The following MTFR1 variants were observed in gnomAD, a reference collection of about 807,000 sequenced individuals.
MTFR1 encodes the protein mitochondrial fission regulator 1.
In MTFR1, 28 loss-of-function variants were observed where a neutral mutation model predicts 38.8. The observed-to-expected ratio is 0.72, with a 90% CI of 0.53 to 0.99. The LOEUF is 0.99. Among genes scored for constraint, MTFR1 ranks in the 50% least tolerant of loss-of-function variants. The probability of loss-of-function intolerance (pLI) is 0.00; values close to 1 mark genes in which losing one functional copy is unlikely to be tolerated. For missense variants in MTFR1, 358 were observed against 395.5 expected, an observed-to-expected ratio of 0.91 and a Z score of 0.81; for synonymous variants, 145 against 137.0, an observed-to-expected ratio of 1.06 and a Z score of -0.41.
chr8:65,667,757 C>T (rs543060402), intron 1 of MTFR1, among the ~76,000 whole-genome samples: 2 of 152,266 alleles, frequency 1.3e-5, no homozygotes, highest in East Asian at 3.9e-4. Context: ...AACAACTATT[C>T]TACCATATTG....
chr8:65,648,969 C>T (rs1481346999), intron 1 of MTFR1, among the ~76,000 whole-genome samples: 2 of 151,754 alleles, frequency 1.3e-5, no homozygotes, highest in Non-Finnish European at 2.9e-5. Context: ...GATATATAGT[C>T]GGCCTTCTGG....
intron 2 of MTFR1, among the ~76,000 whole-genome samples, chr8:65,678,619 G>A (rs1001360207): frequency 2.0e-5 from 3 of 151,876 alleles, no homozygotes; most frequent in Non-Finnish European, 2.9e-5. Flanking sequence ...AAGCTGAATC[G>A]GCTGGGCGTT....
At position 65,663,822 on chromosome 8, in the gene MTFR1, C is replaced by CTT. The variant is rs1035579864; in HGVS notation, c.-80-6032_-80-6031dup. On this transcript the variant is annotated intron_variant, in intron 1 of 7. Coordinates refer to ENST00000262146, the MANE Select transcript of MTFR1 (RefSeq NM_014637.4). Reference sequence around the variant, plus strand: ...TTCCTTCTTTTTTTTAATTTCTTTTCTTTTTTTTTTTTTTTTTTTTGAGAC... The same window carrying CTT: ...TTCCTTCTTTTTTTTAATTTCTTTTCTTTTTTTTTTTTTTTTTTTTTTGAGAC... Among the ~76,000 whole-genome samples, 405 of 78,544 alleles carry CTT rather than the reference C, an allele frequency of 5.2e-3. 2 individuals carry two copies. Among genetic ancestry groups the CTT allele is most frequent in the African/African-American group, 0.017 (352 of 21,230 alleles). The allele number at this position is 78,544 out of a possible 152,430, so 51.5% of individuals were successfully genotyped here.
the MTFR1 span, among the ~76,000 whole-genome samples, chr8:65,778,065 T>C: frequency 6.6e-6 from 1 of 152,210 alleles, no homozygotes; most frequent in Admixed American, 6.5e-5. Flanking sequence ...AGATTACAGA[T>C]GGGAGATTAA....
At chr8:65,692,686 T>C (rs1805316280) in intron 3 of MTFR1, among the ~76,000 whole-genome samples, 1 of 151,964 alleles carries the variant, frequency 6.6e-6, no homozygotes, top group African/African-American at 2.4e-5. Context: ...TTTGCATCCA[T>C]GTTAAGTTTA....
At chr8:65,685,885 G>T (rs1805056637) in intron 3 of MTFR1, among the ~76,000 whole-genome samples, 1 of 152,202 alleles carries the variant, frequency 6.6e-6, no homozygotes, top group African/African-American at 2.4e-5. Context: ...ATTACAAAGA[G>T]CCTGCTCTAC....
At chr8:65,759,387 C>G (rs977017250) in intron 3 of MTFR1, among the ~76,000 whole-genome samples, 2 of 152,208 alleles carry the variant, frequency 1.3e-5, no homozygotes, top group Non-Finnish European at 2.9e-5. Flanking sequence ...AGGGATCCGC[C>G]AGAATGACGA....
chr8:65,655,985 G>A (rs1452193525), intron 1 of MTFR1, among the ~76,000 whole-genome samples: 2 of 34,872 alleles, frequency 5.7e-5, no homozygotes, highest in South Asian at 7.4e-4. Context: ...ATATATATAT[G>A]GTAGTGGGTT....
chr8:65,713,212 G>A (rs1454862964), downstream of MTFR1, among the ~76,000 whole-genome samples: 10 of 152,130 alleles, frequency 6.6e-5, no homozygotes, highest in Admixed American at 2.6e-4. Context: ...AGGCTGAGGC[G>A]GGTGGATCAC....
intron 1 of MTFR1, among the ~76,000 whole-genome samples, chr8:65,655,244 A>G (rs2129047882): frequency 6.6e-6 from 1 of 152,322 alleles, no homozygotes; most frequent in East Asian, 1.9e-4. Context: ...TTTAAATCAT[A>G]AAGATAACAT....
intron 3 of MTFR1, among the ~76,000 whole-genome samples, chr8:65,730,197 T>TTTTTTTG (rs1806810961): frequency 1.7e-5 from 2 of 119,324 alleles, no homozygotes; most frequent in African/African-American, 3.5e-5. Flanking sequence ...TTTTTTTTTT[T>TTTTTTTG]GAGATGGAGT....
At chr8:65,670,897 G>T (rs1439777413) in intron 2 of MTFR1, among the ~76,000 whole-genome samples, 2 of 151,896 alleles carry the variant, frequency 1.3e-5, no homozygotes, top group East Asian at 3.9e-4. Flanking sequence ...GTAGAGATGG[G>T]GTTCCACTAT....
chr8:65,730,592 TGATGCCAAAAAGGTTGGC>T (rs1806840984), intron 3 of MTFR1, among the ~76,000 whole-genome samples: 1 of 152,142 alleles, frequency 6.6e-6, no homozygotes, highest in Non-Finnish European at 1.5e-5. Flanking sequence ...AACTGGTCCC[TGATGCCAAAAAGGTTGGC>T]GGCCACTGCT....
At chr8:65,760,920 A>G (rs1260651351) in intron 3 of MTFR1, among the ~76,000 whole-genome samples, 1 of 115,764 alleles carries the variant, frequency 8.6e-6, no homozygotes, top group African/African-American at 3.3e-5. Context: ...ATCATTTAGG[A>G]ATACAGGAGA....
At chr8:65,774,248 G>T (rs1004743052), downstream of MTFR1, among the ~76,000 whole-genome samples, 1 of 152,002 alleles carries the variant, frequency 6.6e-6, no homozygotes, top group African/African-American at 2.4e-5. Flanking sequence ...TTACTCTTTC[G>T]TGCTGTTGGA....
chr8:65,683,121 TTTC>T (rs1399461682), intron 3 of MTFR1, among the ~76,000 whole-genome samples: 5 of 148,680 alleles, frequency 3.4e-5, no homozygotes, highest in African/African-American at 1.3e-4. Context: ...TGTACTTTTG[TTTC>T]TTTCTTTCTT....
rs368137404 is a variant in MTFR1 at position 65,766,071 on chromosome 8, G to A, written c.*49-4876G>A. Among the ~76,000 whole-genome samples, 17 of 152,104 alleles carry A rather than the reference G, an allele frequency of 1.1e-4. No homozygotes were observed. In the East Asian group the frequency reaches 2.1e-3, roughly 19 times the overall value. ...TGCCATTCTCCTGCCTCAGCCTCCC[G>A]AGCAGCTGGGATTACAGGCGCCCGC... On this transcript the variant is annotated intron_variant, in intron 3 of 3. Transcript: ENST00000521247.
Position 65,669,960 on chromosome 8 carries a change from G to C in MTFR1, c.8G>C (p.Gly3Ala), listed in dbSNP as rs201019084. 102 of 1,604,242 alleles carry C rather than the reference G, an allele frequency of 6.4e-5. No individual in the cohort carries two copies. In the East Asian group the frequency reaches 2.0e-3, roughly 31 times the overall value. The stretch of plus-strand genomic sequence containing the variant: ...GGAGACTTTGCCATATAAATGCTTG[G>C]CTGGATTAAGCGCCTAATTAGGATG... ML[G>A]WIKRLIRMVF... is the part of the protein sequence containing the mutation. The change falls in exon 2 of 8, where the codon GGC becomes GCC. Residue 3 changes from glycine to alanine, a missense_variant. By Grantham distance (60) the Gly-to-Ala change is moderately conservative. Coordinates refer to ENST00000262146, the MANE Select transcript of MTFR1 (RefSeq NM_014637.4).
At chr8:65,739,058 C>T (rs992522441) in intron 3 of MTFR1, among the ~76,000 whole-genome samples, 7 of 152,206 alleles carry the variant, frequency 4.6e-5, no homozygotes, top group Admixed American at 6.5e-5. Context: ...AGGGCTCCAG[C>T]GGCCTGGGGA....
Sources: allele counts gnomAD v4.1 joint callset (sites outside exome capture counted in the v4.1 genomes callset), GRCh38; gene constraint gnomAD v4.1.1; transcripts MANE v1.5; gene names NCBI Gene and HGNC (gene_info 2026-07-23, HGNC 2026-07-21).